The following ZBTB45 variants were observed in gnomAD, a reference collection of about 807,000 sequenced individuals.
ZBTB45 encodes zinc finger and BTB domain containing 45.
A neutral mutation model predicts 28.4 loss-of-function variants in ZBTB45; 22 were observed. The ratio of observed to expected loss-of-function variants is 0.77; its 90% confidence interval spans 0.55 to 1.10. ZBTB45 has a LOEUF of 1.10. Among genes scored for constraint, ZBTB45 ranks in the 50% least tolerant of loss-of-function variants. ZBTB45 has a pLI of 0.00. For synonymous variants in ZBTB45, 361 were observed against 332.3 expected, an observed-to-expected ratio of 1.09 and a Z score of -0.94; for missense variants, 656 against 750.2, an observed-to-expected ratio of 0.87 and a Z score of 1.47.
chr19:58,529,647 T>G (rs1431516932), intron 1 of ZBTB45, among the ~76,000 whole-genome samples: 1 of 152,204 alleles, frequency 6.6e-6, no homozygotes, highest in Non-Finnish European at 1.5e-5. Context: ...CTGTGATACA[T>G]GTGCAGAACG....
upstream of ZBTB45, among the ~76,000 whole-genome samples, chr19:58,524,210 A>G (rs889631665): frequency 3.3e-5 from 5 of 150,944 alleles, no homozygotes; most frequent in African/African-American, 1.2e-4. Flanking sequence ...AAAAGTACAA[A>G]AATTAGCCAG....
chr19:58,517,519 G>A lies in ZBTB45; in HGVS notation c.155C>T (p.Ala52Val), dbSNP rs767505067. 49 of 1,613,326 alleles carry A rather than the reference G, an allele frequency of 3.0e-5. No homozygotes were observed. Among genetic ancestry groups the A allele is most frequent in the Admixed American group, 3.3e-5 (2 of 59,980 alleles). ...ASLRAHRCVL[A>V]AGSPFFQDKL... ...GTCTTGGAAGAAGGGTGAGCCGGCCGCCAGCACGCAGCGGTGGGCACGCAG... is the reference window on the plus strand; with the variant it reads ...GTCTTGGAAGAAGGGTGAGCCGGCCACCAGCACGCAGCGGTGGGCACGCAG... Residue 52 changes from alanine to valine, a missense_variant, in exon 2 of 3, where the codon GCG becomes GTG. This residue lies in a region of ZBTB45 where 105 missense variants were observed against 152.4 expected (regional missense o/e 0.69). Transcript: ENST00000594051.
rs762155420 is a variant in ZBTB45, at chr19:58,517,014, G to A, written c.660C>T (p.Gly220=). 135 of 1,613,142 alleles carry A rather than the reference G, an allele frequency of 8.4e-5. No homozygotes were observed. The highest frequency in any genetic ancestry group is 1.1e-4 in the Non-Finnish European group (124 of 1,180,012). ...DDEESDDETD[G]EDGEGGGPGE... ...CTGGGCCGCCACCTTCGCCATCCTC[G>A]CCATCGGTCTCATCGTCACTTTCCT... Residue 220 remains glycine (G), a synonymous_variant, in exon 2 of 3, where the codon GGC becomes GGT. Transcript: ENST00000594051.
Position 58,513,910 on chromosome 19 carries a change from T to G in ZBTB45, c.*144A>C. 10 of 1,022,734 alleles carry G rather than the reference T, an allele frequency of 9.8e-6. No homozygotes were observed. The highest frequency in any genetic ancestry group is 7.5e-5 in the South Asian group (3 of 40,190). 63.4% of individuals were successfully genotyped at this position (1,022,734 alleles called of 1,614,324 possible). On this transcript the variant is annotated 3_prime_UTR_variant, in exon 3 of 3. Coordinates refer to ENST00000594051, the MANE Select transcript of ZBTB45 (RefSeq NM_001316979.2). ...AGTAAGGCGGACTTAGGCCCTGGTA[T>G]GGAGAAAGGGTGAAGGGAGAGAGAG...
chr19:58,521,688 C>T (rs2053579664), upstream of ZBTB45, among the ~76,000 whole-genome samples: 1 of 152,120 alleles, frequency 6.6e-6, no homozygotes, highest in Non-Finnish European at 1.5e-5. Flanking sequence ...AGTGAGAGTC[C>T]AATAAATGCC....
upstream of ZBTB45, among the ~76,000 whole-genome samples, chr19:58,524,251 G>C (rs2053593998): frequency 6.6e-6 from 1 of 150,976 alleles, no homozygotes; most frequent in African/African-American, 2.4e-5. Flanking sequence ...TATAATCCCA[G>C]CTACTCGGGA....
intron 1 of ZBTB45, chr19:58,519,410 T>G (rs1360423008): frequency 6.6e-6 from 1 of 152,230 alleles, no homozygotes; most frequent in Non-Finnish European, 1.5e-5. Flanking sequence ...CCTGGACACT[T>G]CAGAACAAAG....
At chr19:58,538,889 C>G (rs2053676720) in exon 1 of ZBTB45, 1 of 152,358 alleles carries the variant, frequency 6.6e-6, no homozygotes, top group African/African-American at 2.4e-5. Context: ...AGCCTCAATG[C>G]ACCCACCCAC....
At chr19:58,523,437 T>C (rs2053588877), upstream of ZBTB45, among the ~76,000 whole-genome samples, 1 of 151,448 alleles carries the variant, frequency 6.6e-6, no homozygotes. Flanking sequence ...TCCCAGCACT[T>C]TGAGAGGCTG....
At position 58,516,355 on chromosome 19, in the gene ZBTB45, G is replaced by A. The variant is rs140693017; in HGVS notation, c.1279+40C>T. The A allele has an allele frequency of 3.9e-4, 633 of 1,611,172 alleles. 1 individual carries two copies. The African/African-American group carries it at 6.8e-3, about 17-fold the overall frequency. On this transcript the variant is annotated intron_variant, in intron 2 of 2. Transcript: ENST00000594051. The surrounding 1 kb of genome is among the most constrained non-coding windows in gnomAD (Gnocchi z 6.2). ...AATTCCCCCTCAGGTTTAACTCTCC[G>A]ATGAGAGATTGCTCCCTCTCCTCCC...
At chr19:58,532,937 G>C (rs1262037917) in intron 1 of ZBTB45, among the ~76,000 whole-genome samples, 6 of 152,078 alleles carry the variant, frequency 3.9e-5, no homozygotes, top group Non-Finnish European at 8.8e-5. Context: ...CCGGGTTCAA[G>C]TGATTCTCCT....
intron 1 of ZBTB45, among the ~76,000 whole-genome samples, chr19:58,532,418 CAGA>C (rs1456423716): frequency 2.0e-5 from 3 of 152,144 alleles, no homozygotes; most frequent in East Asian, 1.9e-4. Flanking sequence ...GCACAAACAA[CAGA>C]AGATTTTTTC....
chr19:58,524,298 G>T (rs2053594219), upstream of ZBTB45, among the ~76,000 whole-genome samples: 1 of 151,728 alleles, frequency 6.6e-6, no homozygotes, highest in Non-Finnish European at 1.5e-5. Context: ...CCGGGAGGCG[G>T]TTGTTGCAGT....
chr19:58,517,013 C>T lies in ZBTB45; in HGVS notation c.661G>A (p.Glu221Lys), dbSNP rs774665090. 1.2e-5 allele frequency: 20 copies of T among 1,613,274 alleles called. No homozygotes were observed. The highest frequency in any genetic ancestry group is 1.5e-5 in the Non-Finnish European group (18 of 1,180,006). The change falls in exon 2 of 3, where the codon GAG becomes AAG. Residue 221 changes from glutamate to lysine, a missense_variant. Around this residue, in one of 3 missense-constraint regions of ZBTB45, gnomAD observed 448 missense variants for 444.3 expected, o/e 1.01. Coordinates refer to ENST00000594051, the MANE Select transcript of ZBTB45 (RefSeq NM_001316979.2). ...CCTGGGCCGCCACCTTCGCCATCCT[C>T]GCCATCGGTCTCATCGTCACTTTCC... ...DEESDDETDG[E>K]DGEGGGPGEG... is the part of the protein sequence containing the mutation.
chr19:58,526,149 GA>G (rs1489243309), intron 1 of ZBTB45, among the ~76,000 whole-genome samples: 1 of 152,146 alleles, frequency 6.6e-6, no homozygotes, highest in African/African-American at 2.4e-5. Flanking sequence ...AAGAGTTCCA[GA>G]CCAGCCTGAC....
chr19:58,534,744 G>A (rs1819956644), intron 1 of ZBTB45, among the ~76,000 whole-genome samples: 1 of 152,020 alleles, frequency 6.6e-6, no homozygotes, highest in South Asian at 2.1e-4. Flanking sequence ...TTTTAGTAGA[G>A]ACAGGGTTTC....
upstream of ZBTB45, among the ~76,000 whole-genome samples, chr19:58,520,560 A>AAAAT (rs2053568912): frequency 6.6e-6 from 1 of 152,208 alleles, no homozygotes; most frequent in Middle Eastern, 3.2e-3. Context: ...AGCTGATCTT[A>AAAAT]AAATAGGATA....
At chr19:58,524,412 TGTGTG>T (rs1568648933), upstream of ZBTB45, among the ~76,000 whole-genome samples, 37 of 142,486 alleles carry the variant, frequency 2.6e-4, 1 homozygote, top group East Asian at 7.5e-3. Flanking sequence ...TATATGTGTG[TGTGTG>T]TGTGTGTGTG....
upstream of ZBTB45, among the ~76,000 whole-genome samples, chr19:58,523,769 C>G (rs552754665): frequency 1.4e-3 from 183 of 134,074 alleles, no homozygotes; most frequent in South Asian, 0.011. Context: ...CTCCTGGGTT[C>G]ACGTCATTCT....
Sources: gnomAD v4.1 joint callset for allele counts (sites outside exome capture counted in the v4.1 genomes callset) on GRCh38, gnomAD v4.1.1 for gene constraint, gnomAD v4.1.1 regional missense constraint, Gnocchi (gnomAD v3.1) non-coding constraint, MANE v1.5 for transcripts, NCBI Gene and HGNC (gene_info 2026-07-23, HGNC 2026-07-21) for gene names.